Variants in ROBO1 observed in about 807,000 individuals in gnomAD.
ROBO1 encodes roundabout homolog 1.
In ROBO1, 149 loss-of-function variants were observed where a neutral mutation model predicts 195.9. The observed-to-expected ratio is 0.76, with a 90% confidence interval of 0.67 to 0.87. ROBO1 has a LOEUF of 0.87. Ranked by LOEUF, ROBO1 falls within the 40% of genes least tolerant of loss-of-function variation. ROBO1 has a pLI of 0.00. For synonymous variants in ROBO1, 816 were observed against 733.2 expected (o/e 1.11, Z -1.82); for missense variants, 1,933 against 2,068.3 (o/e 0.93, Z 1.27).
intron 3 of ROBO1, among the ~76,000 whole-genome samples, chr3:78,971,743 T>A (rs1025933652): frequency 1.1e-4 from 17 of 151,266 alleles, no homozygotes; most frequent in Non-Finnish European, 2.5e-4. Flanking sequence ...TTTTAAATAT[T>A]TTTTTTGTTG....
At chr3:79,044,924 A>G (rs1233577764) in intron 3 of ROBO1, among the ~76,000 whole-genome samples, 1 of 152,088 alleles carries the variant, frequency 6.6e-6, no homozygotes, top group Non-Finnish European at 1.5e-5. Flanking sequence ...GAGAATAGAA[A>G]TACTCAAAGC....
chr3:78,941,992 G>A (rs368746396), intron 3 of ROBO1, among the ~76,000 whole-genome samples: 7 of 152,164 alleles, frequency 4.6e-5, no homozygotes, highest in East Asian at 3.9e-4. Context: ...GTGAGGACCC[G>A]TTTCAAGCAA....
At chr3:78,987,164 G>A (rs543430970) in intron 3 of ROBO1, among the ~76,000 whole-genome samples, 1 of 149,054 alleles carries the variant, frequency 6.7e-6, no homozygotes. Flanking sequence ...CACAGGGTGA[G>A]GTGATGGAAA....
At chr3:79,457,382 T>C (rs542642270) in intron 2 of ROBO1, among the ~76,000 whole-genome samples, 63 of 150,760 alleles carry the variant, frequency 4.2e-4, no homozygotes, top group Admixed American at 1.8e-3. Flanking sequence ...AATGAAACAC[T>C]GTGTGTGTGT....
At chr3:78,761,210 C>G (rs1292653149) in intron 4 of ROBO1, among the ~76,000 whole-genome samples, 1 of 151,698 alleles carries the variant, frequency 6.6e-6, no homozygotes, top group Non-Finnish European at 1.5e-5. Flanking sequence ...TTTGAAAATG[C>G]CCTGCAACTT....
Position 79,504,165 on chromosome 3 carries a change from C to T in ROBO1, c.88+85659G>A, listed in dbSNP as rs190417618. ...GTAATACTATATGTAGCATTGGTTACGTTAAATCAAGGGCATTATATTTGA... is the reference window on the plus strand; with the variant it reads ...GTAATACTATATGTAGCATTGGTTATGTTAAATCAAGGGCATTATATTTGA... On this transcript the variant is annotated intron_variant, in intron 2 of 30. Transcript: ENST00000464233. 1.3e-4 allele frequency among the ~76,000 whole-genome samples: 20 copies of T among 152,124 alleles called. No individual in the cohort carries two copies. The East Asian group carries it at 1.5e-3, about 12-fold the overall frequency.
chr3:78,779,691 CTG>C (rs929634846), intron 4 of ROBO1, among the ~76,000 whole-genome samples: 4 of 152,088 alleles, frequency 2.6e-5, no homozygotes, highest in Non-Finnish European at 5.9e-5. Context: ...TTGTGGAAGA[CTG>C]TGGCGATTCC....
chr3:79,270,131 GTGT>G (rs991711698), intron 2 of ROBO1, among the ~76,000 whole-genome samples: 2 of 151,250 alleles, frequency 1.3e-5, no homozygotes, highest in African/African-American at 4.9e-5. Context: ...AAATGCATAA[GTGT>G]TGTCGATGTT....
intron 4 of ROBO1, among the ~76,000 whole-genome samples, chr3:78,893,846 CTT>C (rs1219872091): frequency 6.6e-6 from 1 of 152,078 alleles, no homozygotes; most frequent in Non-Finnish European, 1.5e-5. Flanking sequence ...AAACTTCTCT[CTT>C]TTGAAAAGCC....
At chr3:78,692,167 C>T (rs1314584424) in intron 8 of ROBO1, among the ~76,000 whole-genome samples, 2 of 151,882 alleles carry the variant, frequency 1.3e-5, no homozygotes, top group African/African-American at 4.8e-5. Context: ...ATATAGGAAC[C>T]TATTTTTTTC....
rs114222941 is a variant in ROBO1, at chr3:79,205,483, T to C, written c.89-79944A>G. On this transcript the variant is annotated intron_variant, in intron 2 of 30. Coordinates refer to ENST00000464233, the MANE Select transcript of ROBO1 (RefSeq NM_002941.4). ...CATAAGAAATATACAATATTGGGCC[T>C]GAATAAGATGGGGCTAACTAAATAA... is the stretch of plus-strand genomic sequence containing the variant. 3.7e-3 allele frequency among the ~76,000 whole-genome samples: 570 copies of C among 152,278 alleles called. 4 individuals carry two copies. Among genetic ancestry groups the C allele is most frequent in the African/African-American group, 0.013 (530 of 41,562 alleles).
At chr3:79,491,462 G>C (rs1459881543) in intron 2 of ROBO1, among the ~76,000 whole-genome samples, 1 of 152,118 alleles carries the variant, frequency 6.6e-6, no homozygotes. Context: ...AAATAGAACT[G>C]TCAGTGAAAT....
chr3:79,613,847 A>C (rs188267356), intron 1 of ROBO1, among the ~76,000 whole-genome samples: 173 of 152,174 alleles, frequency 1.1e-3, no homozygotes, highest in African/African-American at 3.9e-3. Context: ...TCATGAAAAC[A>C]CTAAATTGAT....
At chr3:78,728,959 A>C (rs2082226059) in intron 5 of ROBO1, among the ~76,000 whole-genome samples, 1 of 152,210 alleles carries the variant, frequency 6.6e-6, no homozygotes, top group Non-Finnish European at 1.5e-5. Context: ...GTTTAAACAC[A>C]CTTGATCATC....
At chr3:79,236,500 A>G (rs2082409355) in intron 2 of ROBO1, among the ~76,000 whole-genome samples, 1 of 152,198 alleles carries the variant, frequency 6.6e-6, no homozygotes, top group African/African-American at 2.4e-5. Context: ...ACAACTTCCA[A>G]TAACATTTTT....
chr3:79,597,311 A>G (rs1456028907), intron 1 of ROBO1, among the ~76,000 whole-genome samples: 1 of 151,966 alleles, frequency 6.6e-6, no homozygotes, highest in Admixed American at 6.6e-5. Context: ...AGGGTATAAT[A>G]CCTTCTGAAA....
chr3:79,415,020 C>CTGAGTCCATGGAGT (rs2037939265), intron 2 of ROBO1, among the ~76,000 whole-genome samples: 1 of 152,184 alleles, frequency 6.6e-6, no homozygotes, highest in Non-Finnish European at 1.5e-5. Flanking sequence ...TCACTCTGGT[C>CTGAGTCCATGGAGT]TGAGTCCATG....
chr3:78,876,724 G>T (rs185042805), intron 4 of ROBO1, among the ~76,000 whole-genome samples: 1 of 152,274 alleles, frequency 6.6e-6, no homozygotes, highest in African/African-American at 2.4e-5. Flanking sequence ...GGTAAAGAAC[G>T]TACTGTGGAA....
At chr3:79,622,689 G>A (rs1245024881) in intron 1 of ROBO1, among the ~76,000 whole-genome samples, 4 of 152,188 alleles carry the variant, frequency 2.6e-5, no homozygotes, top group African/African-American at 9.7e-5. Flanking sequence ...GATCTCCCTG[G>A]GCTTGAGCCC....
Sources: allele counts gnomAD v4.1 joint callset (sites outside exome capture counted in the v4.1 genomes callset), GRCh38; gene constraint gnomAD v4.1.1; transcripts MANE v1.5; gene names NCBI Gene and HGNC (gene_info 2026-07-23, HGNC 2026-07-21).